CSMD1: variants seen among roughly 807,000 people sequenced by gnomAD.
CSMD1 encodes CUB and sushi domain-containing protein 1.
A neutral mutation model predicts 417.5 loss-of-function variants in CSMD1; 213 were observed. That is an observed-to-expected ratio of 0.51 (90% CI 0.46 to 0.57). The LOEUF is 0.57. CSMD1 is among the 20% of genes least tolerant of loss of function. CSMD1 has a pLI of 0.00. For synonymous variants in CSMD1, 2,862 were observed against 1,736.8 expected, an observed-to-expected ratio of 1.65 and a Z score of -16.11; for missense variants, 6,923 against 4,529.7, an observed-to-expected ratio of 1.53 and a Z score of -15.17.
chr8:4,104,343 G>T (rs11780970), intron 3 of CSMD1, among the ~76,000 whole-genome samples: 11 of 152,204 alleles, frequency 7.2e-5, no homozygotes, highest in Non-Finnish European at 1.2e-4. Context: ...AACACAAAAG[G>T]CATTAAGACT....
At chr8:4,294,291 G>A (rs1482071549) in intron 3 of CSMD1, among the ~76,000 whole-genome samples, 4 of 152,100 alleles carry the variant, frequency 2.6e-5, no homozygotes, top group Non-Finnish European at 5.9e-5. Flanking sequence ...AGGCTTCGGT[G>A]CTTCATATCC....
At chr8:4,706,223 G>A (rs1247576515) in intron 1 of CSMD1, among the ~76,000 whole-genome samples, 1 of 150,986 alleles carries the variant, frequency 6.6e-6, no homozygotes, top group African/African-American at 2.4e-5. Flanking sequence ...TCTGGCAATT[G>A]CTAATTGTTT....
chr8:4,346,113 G>T (rs1020252318), intron 3 of CSMD1, among the ~76,000 whole-genome samples: 6 of 152,230 alleles, frequency 3.9e-5, no homozygotes, highest in African/African-American at 1.4e-4. Flanking sequence ...TTCAGCATTA[G>T]AAAGGACCTG....
intron 1 of CSMD1, among the ~76,000 whole-genome samples, chr8:4,813,592 C>A (rs1799034447): frequency 6.6e-6 from 1 of 152,160 alleles, no homozygotes; most frequent in Non-Finnish European, 1.5e-5. Context: ...AAGTTCAAAT[C>A]TCTGGCAAAC....
At chr8:4,134,068 G>T (rs1033335425) in intron 3 of CSMD1, among the ~76,000 whole-genome samples, 1 of 152,054 alleles carries the variant, frequency 6.6e-6, no homozygotes, top group African/African-American at 2.4e-5. Flanking sequence ...AAGATTAATT[G>T]CTATTATTAT....
chr8:4,841,096 C>T (rs760034858), intron 1 of CSMD1, among the ~76,000 whole-genome samples: 1 of 152,182 alleles, frequency 6.6e-6, no homozygotes, highest in African/African-American at 2.4e-5. Context: ...TCTAAAGGAT[C>T]TTTGTCGACT....
intron 2 of CSMD1, among the ~76,000 whole-genome samples, chr8:4,472,021 T>G (rs533040852): frequency 6.6e-6 from 1 of 152,296 alleles, no homozygotes; most frequent in South Asian, 2.1e-4. Flanking sequence ...TTCTTCCAAT[T>G]TTTTAACTAG....
intron 10 of CSMD1, among the ~76,000 whole-genome samples, chr8:3,563,651 G>A (rs1019281183): frequency 2.6e-5 from 4 of 152,150 alleles, no homozygotes; most frequent in African/African-American, 4.8e-5. Context: ...AGCACTTTGG[G>A]AGGCTGAGGC....
chr8:4,104,007 C>G lies in CSMD1; in HGVS notation c.416-71908G>C, dbSNP rs184655194. On this transcript the variant is annotated intron_variant, in intron 3 of 69. Transcript: ENST00000635120. ...TTCTAAGAGTGCCCCAGCTGCACACCTGCACAGGCCTGTCCCTGCCCCAGC... is the reference window on the plus strand; with the variant it reads ...TTCTAAGAGTGCCCCAGCTGCACACGTGCACAGGCCTGTCCCTGCCCCAGC... Among the ~76,000 whole-genome samples, 951 of 152,324 alleles carry G rather than the reference C, an allele frequency of 6.2e-3. 4 individuals carry two copies. The highest frequency in any genetic ancestry group is 9.3e-3 in the Non-Finnish European group (632 of 68,038).
At chr8:4,584,466 G>A (rs2725028) in intron 2 of CSMD1, among the ~76,000 whole-genome samples, 50,921 of 151,788 alleles carry the variant, frequency 0.34, 8,681 homozygotes, top group African/African-American at 0.37. Flanking sequence ...GTGGCCGCCG[G>A]ACTAAAGAAA....
chr8:3,149,821 G>C (rs987501212), intron 40 of CSMD1, among the ~76,000 whole-genome samples: 1 of 152,138 alleles, frequency 6.6e-6, no homozygotes, highest in Non-Finnish European at 1.5e-5. Flanking sequence ...GAGCCCCTGT[G>C]CCTTAACTCA....
chr8:3,211,953 C>G (rs1023036124), intron 30 of CSMD1, among the ~76,000 whole-genome samples: 3 of 152,186 alleles, frequency 2.0e-5, no homozygotes, highest in Non-Finnish European at 2.9e-5. Context: ...TGGGCCAGGA[C>G]AGGGAAGGGT....
chr8:4,318,270 T>A (rs1194719872), intron 3 of CSMD1, among the ~76,000 whole-genome samples: 2 of 152,152 alleles, frequency 1.3e-5, no homozygotes, highest in Admixed American at 6.6e-5. Context: ...ACATTTTTCC[T>A]TAATTAAAGT....
intron 3 of CSMD1, among the ~76,000 whole-genome samples, chr8:4,416,897 G>C (rs1015427063): frequency 6.6e-6 from 1 of 151,882 alleles, no homozygotes; most frequent in African/African-American, 2.4e-5. Context: ...TTCAAAACTG[G>C]GCATATCTAG....
chr8:3,359,077 G>A (rs896690062), intron 21 of CSMD1, 75 bp downstream of exon 21: 28 of 1,451,726 alleles, frequency 1.9e-5, no homozygotes, highest in Middle Eastern at 2.1e-4. Context: ...ACCCGACCCC[G>A]ACCACCCTAG....
intron 10 of CSMD1, among the ~76,000 whole-genome samples, chr8:3,512,443 C>G (rs914449005): frequency 2.6e-5 from 4 of 152,036 alleles, no homozygotes; most frequent in African/African-American, 7.3e-5. Flanking sequence ...TATTTGTAAT[C>G]CTGAGCAATG....
intron 10 of CSMD1, among the ~76,000 whole-genome samples, chr8:3,556,480 A>G (rs1181413418): frequency 6.8e-6 from 1 of 146,744 alleles, no homozygotes; most frequent in Non-Finnish European, 1.5e-5. Flanking sequence ...CCTTAAGCCA[A>G]AATTATCAAA....
intron 5 of CSMD1, among the ~76,000 whole-genome samples, chr8:3,894,917 A>C (rs558801503): frequency 0.013 from 1,988 of 152,290 alleles, 47 homozygotes; most frequent in African/African-American, 0.046. Context: ...CTAGTATTCA[A>C]CACTGTACCA....
chr8:4,006,002 G>C (rs181915488), intron 4 of CSMD1, among the ~76,000 whole-genome samples: 1 of 152,094 alleles, frequency 6.6e-6, no homozygotes. Flanking sequence ...GCAGAGAAGG[G>C]TTTTCTGAAA....
Sources: gnomAD v4.1 joint callset for allele counts (sites outside exome capture counted in the v4.1 genomes callset) on GRCh38, gnomAD v4.1.1 for gene constraint, MANE v1.5 for transcripts, NCBI Gene and HGNC (gene_info 2026-07-23, HGNC 2026-07-21) for gene names.